Variants in TECRL observed in about 807,000 individuals in gnomAD.
TECRL encodes the protein trans-2,3-enoyl-CoA reductase-like.
A neutral mutation model predicts 52.8 loss-of-function variants in TECRL; 63 were observed. The ratio of observed to expected loss-of-function variants is 1.19; its 90% confidence interval spans 0.97 to 1.47. The LOEUF is 1.47. Among genes scored for constraint, TECRL ranks in the 40% most tolerant of loss-of-function variants. The pLI is 0.00. For synonymous variants in TECRL, 164 were observed against 141.9 expected (o/e 1.16, Z -1.10); for missense variants, 482 against 429.6 (o/e 1.12, Z -1.08).
At chr4:64,356,566 A>AT (rs771334095) in intron 2 of TECRL, among the ~76,000 whole-genome samples, 9 of 152,184 alleles carry the variant, frequency 5.9e-5, no homozygotes, top group Non-Finnish European at 8.8e-5. Flanking sequence ...ATCCAGGCAT[A>AT]GTACCTCCCC....
chr4:64,288,166 A>T (rs1053567627), intron 9 of TECRL, among the ~76,000 whole-genome samples: 1 of 152,076 alleles, frequency 6.6e-6, no homozygotes, highest in Non-Finnish European at 1.5e-5. Context: ...AAAAAAAAGA[A>T]AAGAAATACA....
chr4:64,391,075 T>C (rs974331481), intron 1 of TECRL, among the ~76,000 whole-genome samples: 2 of 151,824 alleles, frequency 1.3e-5, no homozygotes, highest in African/African-American at 2.4e-5. Flanking sequence ...AATTTAACTA[T>C]GTGGATTGCA....
At chr4:64,402,705 T>G (rs1027063765) in intron 1 of TECRL, among the ~76,000 whole-genome samples, 1 of 152,042 alleles carries the variant, frequency 6.6e-6, no homozygotes, top group Non-Finnish European at 1.5e-5. Flanking sequence ...TGTTGACACA[T>G]GTAGTAATAG....
intron 1 of TECRL, among the ~76,000 whole-genome samples, chr4:64,379,106 A>C (rs1560542814): frequency 6.6e-6 from 1 of 152,054 alleles, no homozygotes; most frequent in Admixed American, 6.6e-5. Context: ...TTGTCAAAGT[A>C]TTTACCAAAG....
At chr4:64,358,281 T>C (rs1720921169) in intron 2 of TECRL, among the ~76,000 whole-genome samples, 1 of 151,826 alleles carries the variant, frequency 6.6e-6, no homozygotes, top group Admixed American at 6.6e-5. Flanking sequence ...TATTTTAATG[T>C]ATGATATGTC....
chr4:64,381,059 C>A (rs1159916923), intron 1 of TECRL, among the ~76,000 whole-genome samples: 2 of 151,980 alleles, frequency 1.3e-5, no homozygotes, highest in African/African-American at 4.8e-5. Context: ...TTGTTTGTGT[C>A]CTCTTCAATT....
chr4:64,326,605 GT>G (rs1718282561), intron 3 of TECRL, among the ~76,000 whole-genome samples: 1 of 152,044 alleles, frequency 6.6e-6, no homozygotes, highest in Non-Finnish European at 1.5e-5. Context: ...TTGCTGAGGG[GT>G]GAGAGACCAC....
chr4:64,288,668 T>C (rs1288342128), intron 9 of TECRL, among the ~76,000 whole-genome samples: 1 of 152,100 alleles, frequency 6.6e-6, no homozygotes, highest in Non-Finnish European at 1.5e-5. Flanking sequence ...AAGCCAAACT[T>C]GCCCTCCCAA....
chr4:64,395,715 A>T (rs1298545788), intron 1 of TECRL, among the ~76,000 whole-genome samples: 1 of 152,126 alleles, frequency 6.6e-6, no homozygotes, highest in Non-Finnish European at 1.5e-5. Flanking sequence ...CAGGTTTGTT[A>T]CGGGGGTAAA....
chr4:64,399,718 G>C (rs1369826461), intron 1 of TECRL, among the ~76,000 whole-genome samples: 2 of 152,196 alleles, frequency 1.3e-5, no homozygotes, highest in African/African-American at 2.4e-5. Context: ...AGTGTAAGTG[G>C]TTTTAAGCCT....
rs369305052 is a variant in TECRL at position 64,328,053 on chromosome 4, G to T, written c.331+459C>A. ...ATTGATAAATTTCTTGAGATCATAG[G>T]GTTTAAAAATCTGAGAAATTTGAGG... On this transcript the variant is annotated intron_variant, in intron 3 of 11. Transcript: ENST00000381210. 4.0e-5 allele frequency among the ~76,000 whole-genome samples: 6 copies of T among 151,890 alleles called. No individual in the cohort carries two copies. The South Asian group carries it at 1.2e-3, about 31-fold the overall frequency.
At position 64,283,038 on chromosome 4, in the gene TECRL, A is replaced by T. The variant is rs557228078; in HGVS notation, c.833-1479T>A. 1.8e-4 allele frequency among the ~76,000 whole-genome samples: 27 copies of T among 151,980 alleles called. No individual in the cohort carries two copies. In the East Asian group the frequency reaches 5.2e-3, roughly 29 times the overall value. On this transcript the variant is annotated intron_variant, in intron 9 of 11. Coordinates refer to ENST00000381210, the MANE Select transcript of TECRL (RefSeq NM_001010874.5). The stretch of plus-strand genomic sequence containing the variant: ...TGGCAGAGAAACTTCAACTTTCAGT[A>T]CTCCCTATAGTTGGAAGAAACCTCA...
intron 2 of TECRL, among the ~76,000 whole-genome samples, chr4:64,372,067 G>A (rs1722012787): frequency 6.6e-6 from 1 of 151,632 alleles, no homozygotes; most frequent in Non-Finnish European, 1.5e-5. Context: ...TTTCAGCTAG[G>A]TTTTTAAAAT....
At chr4:64,331,851 T>C (rs902261366) in intron 2 of TECRL, among the ~76,000 whole-genome samples, 2 of 151,954 alleles carry the variant, frequency 1.3e-5, no homozygotes, top group African/African-American at 4.8e-5. Flanking sequence ...ATATGAAAGA[T>C]AGATTAAAAG....
In TECRL at chr4:64,312,025, C is replaced by T. The variant is rs17084633; in HGVS notation, c.552-2094G>A. Among the ~76,000 whole-genome samples the T allele has an allele frequency of 7.1e-3, 1,087 of 152,234 alleles. 9 individuals are homozygous for T. The highest frequency in any genetic ancestry group is 0.024 in the African/African-American group (1,011 of 41,524). On this transcript the variant is annotated intron_variant, in intron 5 of 11. Transcript: ENST00000381210. ...GGTAACAGGTTCATAAGATACTTGA[C>T]GCAGATACAGTTCCTATGGGAGATG...
chr4:64,354,080 C>A (rs1720589694), intron 2 of TECRL, among the ~76,000 whole-genome samples: 1 of 152,084 alleles, frequency 6.6e-6, no homozygotes, highest in African/African-American at 2.4e-5. Flanking sequence ...TACTTTAGCA[C>A]AAAAGAAAGT....
intron 2 of TECRL, among the ~76,000 whole-genome samples, chr4:64,336,391 AATC>A (rs1227989430): frequency 5.9e-5 from 9 of 151,624 alleles, no homozygotes; most frequent in Non-Finnish European, 1.0e-4. Flanking sequence ...CATCTATTTG[AATC>A]TTCTCTCTTC....
At chr4:64,355,536 C>T (rs527852805) in intron 2 of TECRL, among the ~76,000 whole-genome samples, 1 of 152,102 alleles carries the variant, frequency 6.6e-6, no homozygotes, top group African/African-American at 2.4e-5. Flanking sequence ...CCGTGGCTCA[C>T]GCCTGTAATC....
chr4:64,302,472 GA>G (rs1208879887), intron 7 of TECRL, among the ~76,000 whole-genome samples: 2 of 151,194 alleles, frequency 1.3e-5, no homozygotes, highest in East Asian at 1.9e-4. Flanking sequence ...AGTAATGCAA[GA>G]AAAAAATCCT....
Sources: gnomAD v4.1 joint callset for allele counts (sites outside exome capture counted in the v4.1 genomes callset) on GRCh38, gnomAD v4.1.1 for gene constraint, MANE v1.5 for transcripts, NCBI Gene and HGNC (gene_info 2026-07-23, HGNC 2026-07-21) for gene names.